The following TENM3 variants were observed in gnomAD, a reference collection of about 807,000 sequenced individuals.
The protein encoded by TENM3 is teneurin-3.
A neutral mutation model predicts 255.1 loss-of-function variants in TENM3; 63 were observed. The observed-to-expected ratio is 0.25, with a 90% CI of 0.20 to 0.30. The LOEUF is 0.30. Ranked by LOEUF, TENM3 falls within the 10% of genes least tolerant of loss-of-function variation. TENM3 has a pLI of 1.00. For synonymous variants in TENM3, 1,306 were observed against 1,322.3 expected (o/e 0.99, Z 0.27); for missense variants, 2,929 against 3,461.1 (o/e 0.85, Z 3.86).
rs532792422 is a variant in TENM3, at chr4:182,548,478, C to T, written c.512-52446C>T. Among the ~76,000 whole-genome samples, 7 of 152,154 alleles carry T rather than the reference C, an allele frequency of 4.6e-5. No individual in the cohort carries two copies. In the South Asian group the frequency reaches 1.2e-3, roughly 27 times the overall value. ...ACTGAAAAGCAAGGAGTGCACAGGC[C>T]GAGGCAACTCTACCTGGGGGAGGAA... is the stretch of plus-strand genomic sequence containing the variant. On this transcript the variant is annotated intron_variant, in intron 3 of 27. Transcript: ENST00000511685.
At chr4:182,311,738 G>A (rs1546634) in intron 1 of TENM3, among the ~76,000 whole-genome samples, 2,385 of 152,278 alleles carry the variant, frequency 0.016, 34 homozygotes, top group South Asian at 0.052. Context: ...TCGTCAAGGA[G>A]CTTTTATGTC....
At chr4:182,526,837 T>C (rs1047479107) in intron 3 of TENM3, among the ~76,000 whole-genome samples, 5 of 152,222 alleles carry the variant, frequency 3.3e-5, no homozygotes, top group African/African-American at 1.2e-4. Flanking sequence ...GCTTGTTGAA[T>C]TGTGTGATGA....
At chr4:181,570,195 G>A in the TENM3 span, among the ~76,000 whole-genome samples, 1 of 151,770 alleles carries the variant, frequency 6.6e-6, no homozygotes, top group Admixed American at 6.6e-5. Flanking sequence ...ACAGGCGCCC[G>A]CCACCGCGCC....
chr4:181,802,687 A>C, the TENM3 span, among the ~76,000 whole-genome samples: 2,530 of 152,200 alleles, frequency 0.017, 55 homozygotes, highest in African/African-American at 0.057. Flanking sequence ...TTCGTCTTTC[A>C]AATTTAATTA....
chr4:182,384,405 A>G (rs901128115), intron 3 of TENM3, among the ~76,000 whole-genome samples: 22 of 151,656 alleles, frequency 1.5e-4, no homozygotes, highest in African/African-American at 4.8e-4. Flanking sequence ...GGTGTCACTG[A>G]GGAGTTTTAT....
the TENM3 span, among the ~76,000 whole-genome samples, chr4:181,992,871 T>C: frequency 2.3e-4 from 35 of 152,276 alleles, no homozygotes; most frequent in Admixed American, 1.0e-3. Context: ...TCTTGACAGA[T>C]AAAATGTACT....
chr4:182,284,345 A>G (rs942258669), intron 1 of TENM3, among the ~76,000 whole-genome samples: 6 of 152,180 alleles, frequency 3.9e-5, no homozygotes, highest in Non-Finnish European at 5.9e-5. Context: ...ACAGATGTTA[A>G]TCTCTTATAA....
chr4:182,562,034 A>AGATG (rs1743250903), intron 3 of TENM3, among the ~76,000 whole-genome samples: 1 of 151,840 alleles, frequency 6.6e-6, no homozygotes, highest in Non-Finnish European at 1.5e-5. Flanking sequence ...ATAGATAGAT[A>AGATG]CACACCCTAA....
Position 182,635,907 on chromosome 4 carries a change from G to T in TENM3, c.988+7018G>T, listed in dbSNP as rs541535975. Among the ~76,000 whole-genome samples, 4 of 152,194 alleles carry T rather than the reference G, an allele frequency of 2.6e-5. No individual in the cohort carries two copies. In the South Asian group the frequency reaches 8.3e-4, roughly 32 times the overall value. On this transcript the variant is annotated intron_variant, in intron 5 of 27. Coordinates refer to ENST00000511685, the MANE Select transcript of TENM3 (RefSeq NM_001080477.4). The stretch of plus-strand genomic sequence containing the variant: ...TAGTAGCTATATATGTGCAACTCAG[G>T]GTCAGAAGGGAAAATACGCCAGCCC...
intron 5 of TENM3, among the ~76,000 whole-genome samples, chr4:182,630,116 G>GTTA (rs1751223261): frequency 1.3e-5 from 2 of 152,080 alleles, no homozygotes; most frequent in African/African-American, 4.8e-5. Context: ...ACCAGTCAGA[G>GTTA]GTAAAAGCAA....
chr4:181,678,885 A>G, the TENM3 span, among the ~76,000 whole-genome samples: 1 of 151,132 alleles, frequency 6.6e-6, no homozygotes, highest in African/African-American at 2.4e-5. Context: ...GGATATCATT[A>G]TCTACCAATA....
chr4:182,545,045 C>T (rs1291138694), intron 3 of TENM3, among the ~76,000 whole-genome samples: 3 of 152,114 alleles, frequency 2.0e-5, no homozygotes, highest in Non-Finnish European at 2.9e-5. Context: ...ACTTTTATTC[C>T]CCATCTCTGC....
chr4:182,533,716 C>T (rs901721720), intron 3 of TENM3, among the ~76,000 whole-genome samples: 12 of 151,946 alleles, frequency 7.9e-5, no homozygotes, highest in African/African-American at 2.7e-4. Flanking sequence ...GAGTTCGAGA[C>T]CAGCCTGGCC....
At chr4:181,959,112 G>A in the TENM3 span, among the ~76,000 whole-genome samples, 2 of 152,088 alleles carry the variant, frequency 1.3e-5, no homozygotes, top group Non-Finnish European at 2.9e-5. Flanking sequence ...ATTAAATTCT[G>A]TACATATTAT....
At chr4:182,284,475 G>A (rs953279481) in intron 1 of TENM3, among the ~76,000 whole-genome samples, 1 of 152,166 alleles carries the variant, frequency 6.6e-6, no homozygotes, top group South Asian at 2.1e-4. Context: ...ATAATAAAAG[G>A]TAACTTTGTG....
the TENM3 span, among the ~76,000 whole-genome samples, chr4:181,614,949 G>A: frequency 6.6e-6 from 1 of 152,182 alleles, no homozygotes; most frequent in Non-Finnish European, 1.5e-5. Context: ...AGCTTGTAGA[G>A]TGAATCAGAC....
At chr4:182,263,395 TAGG>T (rs1355361740) in intron 1 of TENM3, among the ~76,000 whole-genome samples, 1 of 152,006 alleles carries the variant, frequency 6.6e-6, no homozygotes, top group Non-Finnish European at 1.5e-5. Flanking sequence ...AGGCCCAACT[TAGG>T]AGGGTTAGAG....
At chr4:181,493,809 C>T in the TENM3 span, among the ~76,000 whole-genome samples, 1 of 152,054 alleles carries the variant, frequency 6.6e-6, no homozygotes, top group African/African-American at 2.4e-5. Context: ...CACCCTAAAG[C>T]TTTGACATTC....
intron 3 of TENM3, among the ~76,000 whole-genome samples, chr4:182,479,928 G>T (rs569444607): frequency 2.0e-5 from 3 of 151,880 alleles, no homozygotes; most frequent in African/African-American, 7.2e-5. Context: ...CTTTTTCCCT[G>T]AAGTGTTGCC....
Sources: gnomAD v4.1 joint callset for allele counts (sites outside exome capture counted in the v4.1 genomes callset) on GRCh38, gnomAD v4.1.1 for gene constraint, MANE v1.5 for transcripts, NCBI Gene and HGNC (gene_info 2026-07-23, HGNC 2026-07-21) for gene names.